KCTD8: variants seen among roughly 807,000 people sequenced by gnomAD.
KCTD8 encodes BTB/POZ domain-containing protein KCTD8.
Under a neutral mutation model 31.5 loss-of-function variants are expected in KCTD8, and 27 were observed. The ratio of observed to expected loss-of-function variants is 0.86; its 90% CI spans 0.63 to 1.18. The LOEUF (loss-of-function observed/expected upper bound fraction) is 1.18. Ranked by LOEUF, KCTD8 falls within the 50% of genes most tolerant of loss-of-function variation. The pLI, the probability that KCTD8 is intolerant of heterozygous loss-of-function variation, is 0.00. For missense variants in KCTD8, 658 were observed against 647.7 expected, an observed-to-expected ratio of 1.02 and a Z score of -0.17; for synonymous variants, 290 against 280.0, an observed-to-expected ratio of 1.04 and a Z score of -0.36.
chr4:44,226,589 G>T (rs910414078), intron 1 of KCTD8, among the ~76,000 whole-genome samples: 1 of 152,188 alleles, frequency 6.6e-6, no homozygotes, highest in Admixed American at 6.5e-5. Context: ...TGGTATTTCT[G>T]GTTCTAGATC....
At chr4:44,285,228 TC>T (rs767741186) in intron 1 of KCTD8, among the ~76,000 whole-genome samples, 40 of 152,134 alleles carry the variant, frequency 2.6e-4, no homozygotes, top group Non-Finnish European at 5.4e-4. Context: ...AACCCAATTG[TC>T]CATCAATGGT....
intron 1 of KCTD8, among the ~76,000 whole-genome samples, chr4:44,373,499 A>T (rs1719843443): frequency 6.6e-6 from 1 of 152,174 alleles, no homozygotes; most frequent in Admixed American, 6.6e-5. Flanking sequence ...TCCTCTTTGT[A>T]AATGGAGACC....
chr4:44,266,800 C>T (rs2109369031), intron 1 of KCTD8, among the ~76,000 whole-genome samples: 1 of 152,156 alleles, frequency 6.6e-6, no homozygotes, highest in South Asian at 2.1e-4. Flanking sequence ...ACAAAGAAGG[C>T]CATTACATAA....
At chr4:44,435,679 A>G (rs1315600729) in intron 1 of KCTD8, among the ~76,000 whole-genome samples, 1 of 152,108 alleles carries the variant, frequency 6.6e-6, no homozygotes, top group Non-Finnish European at 1.5e-5. Flanking sequence ...ATATGAATAC[A>G]GTTGTAGGTA....
intron 1 of KCTD8, among the ~76,000 whole-genome samples, chr4:44,272,279 C>A (rs1716635749): frequency 6.6e-6 from 1 of 151,550 alleles, no homozygotes; most frequent in Non-Finnish European, 1.5e-5. Context: ...GCAACAGGAA[C>A]ATTTTTTTTC....
chr4:44,264,668 G>A (rs1331104751), intron 1 of KCTD8, among the ~76,000 whole-genome samples: 1 of 152,124 alleles, frequency 6.6e-6, no homozygotes, highest in Non-Finnish European at 1.5e-5. Flanking sequence ...CTGGAAAATC[G>A]GGTCACTCCC....
At chr4:44,299,479 C>T (rs1438862597) in intron 1 of KCTD8, among the ~76,000 whole-genome samples, 1 of 152,054 alleles carries the variant, frequency 6.6e-6, no homozygotes, top group African/African-American at 2.4e-5. Context: ...GCCTGTAATC[C>T]CAGCACTTTG....
chr4:44,230,254 G>A (rs1577842512), intron 1 of KCTD8, among the ~76,000 whole-genome samples: 2 of 152,164 alleles, frequency 1.3e-5, no homozygotes, highest in East Asian at 3.9e-4. Flanking sequence ...TTAAGATATG[G>A]AAGGTAAAGT....
rs35250421 is a variant in KCTD8, at chr4:44,320,170, CAA to C, written c.961+127391_961+127392del. ...TGGGTGACAGAGCAAGCCTCCATCT[CAA>C]AAAAAAAAAAAAAAAAAAAAAAAAA... On this transcript the variant is annotated intron_variant, in intron 1 of 1. Transcript: ENST00000360029. 4.9e-3 allele frequency among the ~76,000 whole-genome samples: 156 copies of C among 31,876 alleles called. 1 individual carries two copies. Among genetic ancestry groups the C allele is most frequent in the East Asian group, 0.023 (29 of 1,272 alleles). The allele number at this position is 31,876 out of a possible 152,430, so 20.9% of individuals were successfully genotyped here. A position where few individuals can be genotyped will look rare whatever the true frequency, so the allele number is the denominator to read the frequency against.
chr4:44,399,990 A>T (rs1720604242), intron 1 of KCTD8, among the ~76,000 whole-genome samples: 1 of 152,208 alleles, frequency 6.6e-6, no homozygotes, highest in Admixed American at 6.5e-5. Flanking sequence ...TTTCTGTTAT[A>T]AAAAGAGACC....
intron 1 of KCTD8, among the ~76,000 whole-genome samples, chr4:44,373,206 C>T (rs542853692): frequency 1.6e-4 from 25 of 152,074 alleles, no homozygotes; most frequent in African/African-American, 6.0e-4. Flanking sequence ...ACTAAAAATA[C>T]AAAAATTAGC....
chr4:44,397,922 T>A (rs1720548592), intron 1 of KCTD8, among the ~76,000 whole-genome samples: 1 of 152,148 alleles, frequency 6.6e-6, no homozygotes, highest in African/African-American at 2.4e-5. Context: ...GCACAATGAA[T>A]TACAGTTAAA....
At chr4:44,286,073 A>T (rs1717061722) in intron 1 of KCTD8, among the ~76,000 whole-genome samples, 1 of 152,130 alleles carries the variant, frequency 6.6e-6, no homozygotes, top group Non-Finnish European at 1.5e-5. Context: ...TCCTTTGCAG[A>T]TTCTTTCTCT....
intron 1 of KCTD8, among the ~76,000 whole-genome samples, chr4:44,290,120 G>C (rs1408682064): frequency 2.6e-5 from 4 of 151,878 alleles, no homozygotes; most frequent in South Asian, 2.1e-4. Context: ...GATGGAGAAA[G>C]ATCTACCATA....
intron 1 of KCTD8, among the ~76,000 whole-genome samples, chr4:44,434,799 G>A (rs1416268609): frequency 6.6e-6 from 1 of 151,954 alleles, no homozygotes; most frequent in Non-Finnish European, 1.5e-5. Flanking sequence ...CAGATCTAGT[G>A]TGAAATTATC....
chr4:44,295,628 T>A (rs975281375), intron 1 of KCTD8, among the ~76,000 whole-genome samples: 1 of 152,240 alleles, frequency 6.6e-6, no homozygotes, highest in South Asian at 2.1e-4. Flanking sequence ...GGCTATTTTG[T>A]GTTGCTATAA....
intron 1 of KCTD8, among the ~76,000 whole-genome samples, chr4:44,368,301 C>T (rs531827331): frequency 5.9e-5 from 9 of 152,100 alleles, no homozygotes; most frequent in African/African-American, 1.9e-4. Context: ...TGCTTGAACC[C>T]GAAAGGTGGA....
intron 1 of KCTD8, among the ~76,000 whole-genome samples, chr4:44,306,894 T>G (rs1294142473): frequency 2.0e-5 from 3 of 151,938 alleles, no homozygotes; most frequent in Non-Finnish European, 4.4e-5. Flanking sequence ...TTTAACAAAT[T>G]AGACTATGTT....
At chr4:44,324,495 A>G (rs1344592212) in intron 1 of KCTD8, among the ~76,000 whole-genome samples, 6 of 152,076 alleles carry the variant, frequency 3.9e-5, no homozygotes, top group Non-Finnish European at 7.3e-5. Flanking sequence ...TAACTGTCAG[A>G]AAGTAATTTT....
Sources: allele counts gnomAD v4.1 joint callset (sites outside exome capture counted in the v4.1 genomes callset), GRCh38; gene constraint gnomAD v4.1.1; transcripts MANE v1.5; gene names NCBI Gene and HGNC (gene_info 2026-07-23, HGNC 2026-07-21).